Variants in DAB1 observed in about 807,000 individuals in gnomAD.
DAB1 encodes disabled homolog 1.
Under a neutral mutation model 64.6 loss-of-function variants are expected in DAB1, and 15 were observed. The ratio of observed to expected loss-of-function variants is 0.23; its 90% CI spans 0.16 to 0.36. DAB1 has a LOEUF of 0.36. Among genes scored for constraint, DAB1 ranks in the 10% least tolerant of loss-of-function variants. The pLI, the probability that DAB1 is intolerant of heterozygous loss-of-function variation, is 1.00. For synonymous variants in DAB1, 235 were observed against 251.9 expected, an observed-to-expected ratio of 0.93 and a Z score of 0.64; for missense variants, 596 against 706.7, an observed-to-expected ratio of 0.84 and a Z score of 1.78.
intron 4 of DAB1, among the ~76,000 whole-genome samples, chr1:58,240,302 A>G (rs1199656890): frequency 6.6e-6 from 1 of 152,218 alleles, no homozygotes; most frequent in Admixed American, 6.5e-5. Flanking sequence ...ACTTCTGATC[A>G]TATCCTTAAA....
intron 1 of DAB1, among the ~76,000 whole-genome samples, chr1:57,875,378 A>G (rs1202783): frequency 0.25 from 38,641 of 151,906 alleles, 5,068 homozygotes; most frequent in Admixed American, 0.34. Context: ...AGCTTAATCA[A>G]TTTCTACCTT....
At chr1:58,053,528 T>A (rs1647846762) in intron 5 of DAB1, among the ~76,000 whole-genome samples, 1 of 152,148 alleles carries the variant, frequency 6.6e-6, no homozygotes, top group African/African-American at 2.4e-5. Context: ...TTATGAGGAA[T>A]CTGCCCCCAT....
At chr1:57,212,517 G>A (rs1342916935) in intron 2 of DAB1, among the ~76,000 whole-genome samples, 1 of 151,600 alleles carries the variant, frequency 6.6e-6, no homozygotes, top group African/African-American at 2.4e-5. Context: ...ACAGACGGCT[G>A]CCACCACGCC....
At chr1:58,105,515 G>C (rs1402670040) in intron 5 of DAB1, among the ~76,000 whole-genome samples, 1 of 152,136 alleles carries the variant, frequency 6.6e-6, no homozygotes, top group Non-Finnish European at 1.5e-5. Flanking sequence ...GAAGACTTGG[G>C]TTCTAGTCTT....
At chr1:58,464,955 T>G (rs1645280053) in intron 3 of DAB1, among the ~76,000 whole-genome samples, 1 of 152,208 alleles carries the variant, frequency 6.6e-6, no homozygotes, top group Non-Finnish European at 1.5e-5. Context: ...CCCATCATGT[T>G]GCTAAGGCAG....
chr1:57,889,944 C>T (rs1197998609), intron 5 of DAB1, among the ~76,000 whole-genome samples: 1 of 146,738 alleles, frequency 6.8e-6, no homozygotes, highest in Non-Finnish European at 1.5e-5. Context: ...GAGGAATGTT[C>T]TGATTGGCTG....
At chr1:57,492,767 C>T (rs1053189119) in intron 7 of DAB1, among the ~76,000 whole-genome samples, 4 of 152,128 alleles carry the variant, frequency 2.6e-5, no homozygotes, top group South Asian at 2.1e-4. Context: ...TCTTGAGCTC[C>T]GGGCTCCAGT....
chr1:57,553,847 T>C (rs1042568291), intron 7 of DAB1, among the ~76,000 whole-genome samples: 1 of 151,988 alleles, frequency 6.6e-6, no homozygotes, highest in Non-Finnish European at 1.5e-5. Flanking sequence ...CAGAGCTGGT[T>C]CAGGTATTCA....
chr1:57,058,782 C>T (rs1309155657), intron 9 of DAB1, among the ~76,000 whole-genome samples: 2 of 152,190 alleles, frequency 1.3e-5, no homozygotes, highest in East Asian at 3.9e-4. Flanking sequence ...AGCCAGGATT[C>T]AAACCCCGGT....
chr1:58,413,838 TAG>T lies in DAB1; in HGVS notation n.258-70437_258-70436del, dbSNP rs200295838. Among the ~76,000 whole-genome samples, 1,374 of 152,272 alleles carry T rather than the reference TAG, an allele frequency of 9.0e-3. 13 individuals are homozygous for T. Among genetic ancestry groups the T allele is most frequent in the Middle Eastern group, 0.017 (5 of 294 alleles). The stretch of plus-strand genomic sequence containing the variant: ...ACTATACAGAATTGCAGGACCTCTA[TAG>T]AGTCATGTGTCTCTCGACAACAGGG... On this transcript the variant is annotated intron_variant and non_coding_transcript_variant, in intron 3 of 20. Coordinates refer to the DAB1 transcript ENST00000485760.
intron 5 of DAB1, among the ~76,000 whole-genome samples, chr1:58,062,766 G>C (rs1300992461): frequency 6.6e-6 from 1 of 152,194 alleles, no homozygotes; most frequent in Non-Finnish European, 1.5e-5. Context: ...GCCCTGAGAT[G>C]AGTAGATACT....
At chr1:58,197,558 GT>G (rs1387129829) in intron 4 of DAB1, among the ~76,000 whole-genome samples, 2 of 151,480 alleles carry the variant, frequency 1.3e-5, no homozygotes, top group East Asian at 3.9e-4. Flanking sequence ...CACCCAGCTA[GT>G]TTTTTTTGTG....
At chr1:57,328,136 G>A (rs1257237933) in intron 1 of DAB1, among the ~76,000 whole-genome samples, 2 of 152,196 alleles carry the variant, frequency 1.3e-5, no homozygotes, top group Non-Finnish European at 2.9e-5. Flanking sequence ...CTGCCACCTA[G>A]CTAGTAGCAT....
At chr1:57,779,580 G>C (rs573005821) in intron 6 of DAB1, among the ~76,000 whole-genome samples, 2 of 152,166 alleles carry the variant, frequency 1.3e-5, no homozygotes, top group East Asian at 3.9e-4. Context: ...AATTTCAAAG[G>C]CCTGTTTGTA....
chr1:58,232,186 T>C (rs909032052), intron 4 of DAB1, among the ~76,000 whole-genome samples: 1 of 152,136 alleles, frequency 6.6e-6, no homozygotes, highest in Non-Finnish European at 1.5e-5. Flanking sequence ...GATTAAATAA[T>C]CTTCCCAAAG....
chr1:57,802,434 G>A (rs1411806168), intron 6 of DAB1, among the ~76,000 whole-genome samples: 3 of 152,176 alleles, frequency 2.0e-5, no homozygotes, highest in East Asian at 3.9e-4. Flanking sequence ...GGGAAGGAGT[G>A]GACAGAGGGA....
At chr1:57,939,208 G>A (rs1039318684) in intron 5 of DAB1, among the ~76,000 whole-genome samples, 5 of 152,082 alleles carry the variant, frequency 3.3e-5, no homozygotes, top group Non-Finnish European at 7.4e-5. Flanking sequence ...AAGAAAGAGA[G>A]CATGCTCTGG....
At chr1:58,174,587 G>A (rs1656358396) in intron 4 of DAB1, among the ~76,000 whole-genome samples, 1 of 152,240 alleles carries the variant, frequency 6.6e-6, no homozygotes, top group African/African-American at 2.4e-5. Context: ...GGGGTGTCCT[G>A]TTTAGAGGGG....
chr1:57,605,246 G>A lies in DAB1; in HGVS notation n.625+44346C>T, dbSNP rs139186247. On this transcript the variant is annotated intron_variant and non_coding_transcript_variant, in intron 7 of 20. Transcript: ENST00000485760. ...AGAGTTATTTATTTCTGTCTTCCCA[G>A]TAGATTGTGAGAGTCTGGAGGGCAG... Among the ~76,000 whole-genome samples the A allele has an allele frequency of 5.2e-3, 790 of 152,290 alleles. 11 individuals are homozygous for A. The highest frequency in any genetic ancestry group is 0.018 in the African/African-American group (731 of 41,564).
Sources: allele counts gnomAD v4.1 joint callset (sites outside exome capture counted in the v4.1 genomes callset), GRCh38; gene constraint gnomAD v4.1.1; transcripts MANE v1.5; gene names NCBI Gene and HGNC (gene_info 2026-07-23, HGNC 2026-07-21).